The following ANTXR2 variants were observed in gnomAD, a reference collection of about 807,000 sequenced individuals.
ANTXR2 encodes the protein anthrax toxin receptor 2.
A neutral mutation model predicts 73.7 loss-of-function variants in ANTXR2; 44 were observed. That is an observed-to-expected ratio of 0.60 (90% CI 0.47 to 0.77). The LOEUF (loss-of-function observed/expected upper bound fraction) is 0.77. Among genes scored for constraint, ANTXR2 ranks in the 30% least tolerant of loss-of-function variants. The pLI, the probability that ANTXR2 is intolerant of heterozygous loss-of-function variation, is 0.00. For missense variants in ANTXR2, 604 were observed against 592.5 expected, an observed-to-expected ratio of 1.02 and a Z score of -0.20; for synonymous variants, 217 against 205.9, an observed-to-expected ratio of 1.05 and a Z score of -0.46.
At chr4:80,026,296 C>T (rs891369465) in intron 10 of ANTXR2, among the ~76,000 whole-genome samples, 1 of 152,086 alleles carries the variant, frequency 6.6e-6, no homozygotes, top group Non-Finnish European at 1.5e-5. Context: ...CTCTCTCCTG[C>T]CACCATGTGA....
chr4:80,009,687 A>T (rs1469211845), intron 11 of ANTXR2, among the ~76,000 whole-genome samples: 1 of 151,976 alleles, frequency 6.6e-6, no homozygotes, highest in Non-Finnish European at 1.5e-5. Flanking sequence ...TCTCTACTAA[A>T]AATACAAAAA....
intron 7 of ANTXR2, 34 bp from the exon 8 acceptor site, chr4:80,036,066 A>G: frequency 1.4e-6 from 2 of 1,442,342 alleles, no homozygotes; most frequent in South Asian, 1.4e-5. Context: ...TTACCAAGCT[A>G]TAGATCTAAA....
At position 79,907,790 on chromosome 4, in the gene ANTXR2, T is replaced by C. The variant is rs115529310; in HGVS notation, c.1429-323A>G. 3.3e-3 allele frequency among the ~76,000 whole-genome samples: 502 copies of C among 152,298 alleles called. 1 individual carries two copies. The highest frequency in any genetic ancestry group is 5.5e-3 in the Non-Finnish European group (376 of 68,022). On this transcript the variant is annotated intron_variant, in intron 16 of 16. Coordinates refer to ENST00000403729, the MANE Select transcript of ANTXR2 (RefSeq NM_058172.6). The stretch of plus-strand genomic sequence containing the variant: ...TCAAAGCCACAACCCAATATACTTC[T>C]TTATGTAATGAATTAAAATGAAAAT...
Position 80,016,424 on chromosome 4 carries a change from C to T in ANTXR2, c.945+2474G>A, listed in dbSNP as rs113372993. 7.3e-3 allele frequency among the ~76,000 whole-genome samples: 1,114 copies of T among 152,258 alleles called. 11 individuals are homozygous for T. Among genetic ancestry groups the T allele is most frequent in the African/African-American group, 0.025 (1,045 of 41,536 alleles). ...TTCAAGGCCCTGTCTGTCTCAGTTC[C>T]TCCACAAGCATAAAACCTTTTTCTG... On this transcript the variant is annotated intron_variant, in intron 11 of 16. Transcript: ENST00000403729.
chr4:80,007,986 AAC>A (rs1731386974), intron 12 of ANTXR2, among the ~76,000 whole-genome samples: 1 of 152,208 alleles, frequency 6.6e-6, no homozygotes, highest in African/African-American at 2.4e-5. Flanking sequence ...GCTTTATACA[AAC>A]ACAAAAAATG....
chr4:79,937,025 T>G (rs1728291359), intron 16 of ANTXR2, among the ~76,000 whole-genome samples: 1 of 151,298 alleles, frequency 6.6e-6, no homozygotes, highest in East Asian at 1.9e-4. Flanking sequence ...TTTTAATCTT[T>G]GTTGCAAAGA....
At chr4:79,984,902 A>G (rs753053392) in intron 12 of ANTXR2, 39 bp from the exon 13 acceptor site, 2 of 1,478,762 alleles carry the variant, frequency 1.4e-6, no homozygotes, top group Non-Finnish European at 1.9e-6. Context: ...TCTATGGCAT[A>G]GAGAGGAGAT....
intron 16 of ANTXR2, among the ~76,000 whole-genome samples, chr4:79,973,033 C>A: frequency 1.4e-5 from 2 of 141,854 alleles, no homozygotes; most frequent in African/African-American, 5.5e-5. Flanking sequence ...ATTGTCAAAA[C>A]AAAGTGAAAG....
chr4:80,058,843 C>A (rs4690112), intron 3 of ANTXR2, among the ~76,000 whole-genome samples: 151,529 of 152,230 alleles, frequency 1, 75,419 homozygotes, highest in East Asian at 1. Context: ...CTACAGGGAA[C>A]AGCAATATTG....
chr4:79,957,322 G>T (rs1728927094), intron 16 of ANTXR2, among the ~76,000 whole-genome samples: 1 of 151,526 alleles, frequency 6.6e-6, no homozygotes, highest in Admixed American at 6.6e-5. Context: ...TTAATTAATA[G>T]GTACAAAAAT....
chr4:80,034,969 G>A (rs1172323305), intron 8 of ANTXR2, among the ~76,000 whole-genome samples: 2 of 151,978 alleles, frequency 1.3e-5, no homozygotes, highest in African/African-American at 2.4e-5. Context: ...GGTCAAACAG[G>A]GTAATTACTA....
Position 79,907,419 on chromosome 4 carries a change from T to C in ANTXR2, c.*10A>G. ...CATCTTCGTACCTTCTTGGTCTTCC[T>C]GCTTCCCTTTTACTGAGATGGAACT... is the stretch of plus-strand genomic sequence containing the variant. On this transcript the variant is annotated 3_prime_UTR_variant, in exon 17 of 17. Transcript: ENST00000403729. 3 of 1,612,264 alleles carry C rather than the reference T, an allele frequency of 1.9e-6. No individual in the cohort carries two copies. The highest frequency in any genetic ancestry group is 2.5e-6 in the Non-Finnish European group (3 of 1,178,862).
intron 12 of ANTXR2, among the ~76,000 whole-genome samples, chr4:80,001,741 G>C (rs1443727724): frequency 6.6e-6 from 1 of 151,076 alleles, no homozygotes; most frequent in Non-Finnish European, 1.5e-5. Flanking sequence ...TCCTGTATTG[G>C]GTGCATATAT....
chr4:80,050,416 T>C (rs1174388978), intron 7 of ANTXR2, among the ~76,000 whole-genome samples: 8 of 151,476 alleles, frequency 5.3e-5, no homozygotes, highest in Non-Finnish European at 8.9e-5. Flanking sequence ...AGATTGGGGG[T>C]CATCTCTCTC....
chr4:80,039,752 T>C (rs1279201716), intron 7 of ANTXR2, among the ~76,000 whole-genome samples: 4 of 152,072 alleles, frequency 2.6e-5, no homozygotes, highest in African/African-American at 9.7e-5. Flanking sequence ...AACTGTTATT[T>C]GACCCAGCAA....
intron 16 of ANTXR2, among the ~76,000 whole-genome samples, chr4:79,916,694 G>A (rs1156595117): frequency 6.6e-6 from 1 of 152,056 alleles, no homozygotes. Context: ...GATACAGATA[G>A]AAAATGGAAT....
intron 12 of ANTXR2, among the ~76,000 whole-genome samples, chr4:79,985,838 C>CT (rs572381265): frequency 0.034 from 3,810 of 111,654 alleles, 194 homozygotes; most frequent in African/African-American, 0.1. Context: ...ACAGTTAATT[C>CT]TTTTTTTTTT....
intron 16 of ANTXR2, among the ~76,000 whole-genome samples, chr4:79,926,488 G>A (rs895446002): frequency 1.3e-5 from 2 of 152,010 alleles, no homozygotes; most frequent in Non-Finnish European, 2.9e-5. Context: ...AAAGAAATCT[G>A]ATTTTAAGCT....
chr4:79,933,484 C>T (rs1399108010), intron 16 of ANTXR2, among the ~76,000 whole-genome samples: 2 of 152,120 alleles, frequency 1.3e-5, no homozygotes, highest in Non-Finnish European at 2.9e-5. Flanking sequence ...CCACTGTAAT[C>T]TCACCACTGA....
Sources: gnomAD v4.1 joint callset for allele counts (sites outside exome capture counted in the v4.1 genomes callset) on GRCh38, gnomAD v4.1.1 for gene constraint, MANE v1.5 for transcripts, NCBI Gene and HGNC (gene_info 2026-07-23, HGNC 2026-07-21) for gene names.